Variants in TSPAN9 observed in about 807,000 individuals in gnomAD.
The protein encoded by TSPAN9 is tetraspanin-9.
Under a neutral mutation model 31.0 loss-of-function variants are expected in TSPAN9, and 16 were observed. The observed-to-expected ratio is 0.52, with a 90% CI of 0.35 to 0.78. TSPAN9 has a LOEUF of 0.78. Ranked by LOEUF, TSPAN9 falls within the 30% of genes least tolerant of loss-of-function variation. The pLI, the probability that TSPAN9 is intolerant of heterozygous loss-of-function variation, is 0.01. For synonymous variants in TSPAN9, 145 were observed against 121.6 expected, an observed-to-expected ratio of 1.19 and a Z score of -1.27; for missense variants, 272 against 312.5, an observed-to-expected ratio of 0.87 and a Z score of 0.98.
chr12:3,236,824 C>T (rs1565626585), intron 3 of TSPAN9, among the ~76,000 whole-genome samples: 1 of 152,152 alleles, frequency 6.6e-6, no homozygotes, highest in Non-Finnish European at 1.5e-5. Flanking sequence ...ATAGCTCATT[C>T]TGCAAGTTCA....
At chr12:3,156,692 G>A (rs996820824) in intron 2 of TSPAN9, among the ~76,000 whole-genome samples, 1 of 152,032 alleles carries the variant, frequency 6.6e-6, no homozygotes, top group Non-Finnish European at 1.5e-5. Context: ...ATTTTTAGTA[G>A]AGATGGGGTT....
intron 2 of TSPAN9, among the ~76,000 whole-genome samples, chr12:3,113,965 C>G (rs1312266168): frequency 6.6e-6 from 1 of 152,240 alleles, no homozygotes; most frequent in Non-Finnish European, 1.5e-5. Flanking sequence ...GCATTTCCCC[C>G]CATTTATCAT....
chr12:3,154,000 TTA>T lies in TSPAN9; in HGVS notation c.-17-47167_-17-47166del, dbSNP rs527536828. 6.3e-4 allele frequency among the ~76,000 whole-genome samples: 65 copies of T among 103,788 alleles called. 1 individual carries two copies. The highest frequency in any genetic ancestry group is 2.2e-3 in the African/African-American group (63 of 28,806). 68.1% of individuals were successfully genotyped at this position (103,788 alleles called of 152,430 possible). ...GCACTAATACATTAATATATTAGTA[TTA>T]TATATATATGTGTGTGTGTGTGTGT... is the stretch of plus-strand genomic sequence containing the variant. On this transcript the variant is annotated intron_variant, in intron 2 of 8. Transcript: ENST00000011898.
chr12:3,144,763 G>GC (rs2098336403), intron 2 of TSPAN9, among the ~76,000 whole-genome samples: 1 of 152,234 alleles, frequency 6.6e-6, no homozygotes, highest in South Asian at 2.1e-4. Flanking sequence ...GGGTAGCCCT[G>GC]GGCTGCGCCC....
chr12:3,221,681 G>A (rs986827670), intron 3 of TSPAN9, among the ~76,000 whole-genome samples: 1 of 151,254 alleles, frequency 6.6e-6, no homozygotes, highest in African/African-American at 2.4e-5. Context: ...TTTGAGATAG[G>A]GTCTCACTCT....
At chr12:3,200,351 G>T (rs1226099195) in intron 2 of TSPAN9, 4 of 152,252 alleles carry the variant, frequency 2.6e-5, no homozygotes, top group East Asian at 3.9e-4. Flanking sequence ...CCGGGATTTC[G>T]CAGGGAAAGC....
intron 2 of TSPAN9, among the ~76,000 whole-genome samples, chr12:3,095,970 G>A (rs1407317562): frequency 6.7e-6 from 1 of 150,230 alleles, no homozygotes; most frequent in Non-Finnish European, 1.5e-5. Flanking sequence ...GGCACTTTGG[G>A]AGGCCAAGGC....
At chr12:3,083,113 C>G (rs929029364) in intron 1 of TSPAN9, among the ~76,000 whole-genome samples, 1 of 152,218 alleles carries the variant, frequency 6.6e-6, no homozygotes, top group African/African-American at 2.4e-5. Context: ...TTATTTCTCA[C>G]TTGATGGCCA....
At chr12:3,210,844 C>T (rs1369451617) in intron 3 of TSPAN9, among the ~76,000 whole-genome samples, 1 of 151,330 alleles carries the variant, frequency 6.6e-6, no homozygotes, top group Non-Finnish European at 1.5e-5. Context: ...TCTCTAGGCT[C>T]AAGTGATCCT....
At chr12:3,175,314 T>C (rs10774125) in intron 2 of TSPAN9, among the ~76,000 whole-genome samples, 151,681 of 152,260 alleles carry the variant, frequency 1, 75,552 homozygotes, top group Middle Eastern at 1. Flanking sequence ...CTCCTGGAGG[T>C]GGGAGTGAGA....
At chr12:3,273,971 A>G (rs1862733323) in intron 3 of TSPAN9, among the ~76,000 whole-genome samples, 1 of 152,046 alleles carries the variant, frequency 6.6e-6, no homozygotes, top group Admixed American at 6.5e-5. Context: ...AACACATCAG[A>G]TTCTTTCTCC....
Position 3,170,087 on chromosome 12 carries a change from C to T in TSPAN9, c.-17-31090C>T, listed in dbSNP as rs2098350915. Among the ~76,000 whole-genome samples the T allele has an allele frequency of 6.6e-6, 1 of 152,178 alleles. No homozygotes were observed. Among genetic ancestry groups the T allele is most frequent in the South Asian group, 2.1e-4 (1 of 4,832 alleles). ...ACCTTGAGCAAGTCCCTTTACTTCTCTCTGTTCCACGTCCTTCATCTGGGA... is the reference window on the plus strand; with the variant it reads ...ACCTTGAGCAAGTCCCTTTACTTCTTTCTGTTCCACGTCCTTCATCTGGGA... On this transcript the variant is annotated intron_variant, in intron 2 of 8. Coordinates refer to ENST00000011898, the MANE Select transcript of TSPAN9 (RefSeq NM_006675.5). This position sits in a 1 kb window ranked among gnomAD's most constrained non-coding sequence, Gnocchi z 4.4.
intron 2 of TSPAN9, among the ~76,000 whole-genome samples, chr12:3,093,012 G>T (rs991504564): frequency 6.6e-6 from 1 of 152,230 alleles, no homozygotes; most frequent in Non-Finnish European, 1.5e-5. Context: ...AGGAGCTCAC[G>T]TTCTGATGTT....
chr12:3,248,966 C>T (rs895736549), intron 3 of TSPAN9, among the ~76,000 whole-genome samples: 1 of 152,246 alleles, frequency 6.6e-6, no homozygotes, highest in Admixed American at 6.5e-5. Flanking sequence ...TGAGGCCCCT[C>T]CTGTCCGTCC....
chr12:3,282,035 T>A, intron 8 of TSPAN9: 1 of 717,306 alleles, frequency 1.4e-6, no homozygotes, highest in African/African-American at 1.7e-5. Context: ...CAGGGCTGCC[T>A]GTGGCCAGGC....
intron 2 of TSPAN9, among the ~76,000 whole-genome samples, chr12:3,137,300 C>G (rs903368656): frequency 6.6e-6 from 1 of 152,212 alleles, no homozygotes; most frequent in Non-Finnish European, 1.5e-5. Flanking sequence ...CCCACGTTTC[C>G]CCGGGCCACG....
At chr12:3,219,890 C>T (rs909922097) in intron 3 of TSPAN9, among the ~76,000 whole-genome samples, 2 of 149,894 alleles carry the variant, frequency 1.3e-5, no homozygotes, top group Non-Finnish European at 3.0e-5. Context: ...TGCTGTGGCC[C>T]ACGCCGGTAA....
intron 2 of TSPAN9, among the ~76,000 whole-genome samples, chr12:3,129,967 C>G (rs2098329054): frequency 6.6e-6 from 1 of 152,186 alleles, no homozygotes; most frequent in African/African-American, 2.4e-5. Flanking sequence ...TGGAGGTGCC[C>G]AGGCCCCTGG....
chr12:3,253,742 T>C (rs953023947), intron 3 of TSPAN9, among the ~76,000 whole-genome samples: 1 of 152,148 alleles, frequency 6.6e-6, no homozygotes, highest in African/African-American at 2.4e-5. Flanking sequence ...GGTGGGAGGC[T>C]GGTGGTGGTG....
Sources: allele counts gnomAD v4.1 joint callset (sites outside exome capture counted in the v4.1 genomes callset), GRCh38; gene constraint gnomAD v4.1.1; non-coding constraint Gnocchi (gnomAD v3.1); transcripts MANE v1.5; gene names NCBI Gene and HGNC (gene_info 2026-07-23, HGNC 2026-07-21).